Variants in NBEA observed in about 807,000 individuals in gnomAD.
The protein encoded by NBEA is neurobeachin.
In NBEA, 44 loss-of-function variants were observed where a neutral mutation model predicts 343.4. The observed-to-expected ratio is 0.13, with a 90% CI of 0.10 to 0.16. The LOEUF (loss-of-function observed/expected upper bound fraction) is 0.16, where lower values mean the gene tolerates loss of function less well. Ranked by LOEUF, NBEA falls within the 10% of genes least tolerant of loss-of-function variation. NBEA has a pLI of 1.00. For synonymous variants in NBEA, 1,175 were observed against 1,238.7 expected (o/e 0.95, Z 1.08); for missense variants, 2,555 against 3,631.3 (o/e 0.70, Z 7.62).
At chr13:35,391,393 G>A (rs1460299971) in intron 38 of NBEA, among the ~76,000 whole-genome samples, 2 of 151,864 alleles carry the variant, frequency 1.3e-5, no homozygotes, top group African/African-American at 4.8e-5. Flanking sequence ...GTTTCATGTT[G>A]TACACATAGA....
At chr13:34,966,879 G>C (rs1292650615) in intron 1 of NBEA, among the ~76,000 whole-genome samples, 1 of 151,028 alleles carries the variant, frequency 6.6e-6, no homozygotes, top group Non-Finnish European at 1.5e-5. Context: ...AATATTTGCT[G>C]TTCTAAGAGG....
intron 45 of NBEA, among the ~76,000 whole-genome samples, chr13:35,582,488 T>C (rs1313070147): frequency 6.6e-6 from 1 of 152,114 alleles, no homozygotes; most frequent in Non-Finnish European, 1.5e-5. Context: ...TGAGAGATAA[T>C]GAAATTTAAC....
At chr13:35,633,315 G>T (rs2083548075) in intron 49 of NBEA, among the ~76,000 whole-genome samples, 1 of 150,942 alleles carries the variant, frequency 6.6e-6, no homozygotes, top group African/African-American at 2.4e-5. Flanking sequence ...TGTTAGCCAG[G>T]ATGGTCTCAA....
chr13:35,466,281 G>A (rs922865978), intron 40 of NBEA, among the ~76,000 whole-genome samples: 1 of 152,242 alleles, frequency 6.6e-6, no homozygotes, highest in Non-Finnish European at 1.5e-5. Context: ...GCATCAAGAG[G>A]CCAATTCCTG....
chr13:35,652,915 C>T lies in NBEA; in HGVS notation c.8035+1039C>T, dbSNP rs1162061385. On this transcript the variant is annotated intron_variant, in intron 53 of 58. Transcript: ENST00000379939. Reference sequence around the variant, plus strand: ...TTCACCGTGTTAGCCAGGATGGTCTCGATCTCCTGACCTCGTGATCTGCCC... The same window carrying T: ...TTCACCGTGTTAGCCAGGATGGTCTTGATCTCCTGACCTCGTGATCTGCCC... Among the ~76,000 whole-genome samples the T allele has an allele frequency of 3.3e-5, 5 of 150,660 alleles. No individual in the cohort carries two copies. The East Asian group carries it at 8.1e-4, about 24-fold the overall frequency.
chr13:35,668,276 GT>G, intron 57 of NBEA, 91 bp from the exon 58 acceptor site: 1 of 1,295,180 alleles, frequency 7.7e-7, no homozygotes, highest in Non-Finnish European at 1.1e-6. Flanking sequence ...AGTAGTGACA[GT>G]TGGCTATTTA....
At chr13:35,158,159 C>T (rs1443183810) in intron 21 of NBEA, among the ~76,000 whole-genome samples, 1 of 152,012 alleles carries the variant, frequency 6.6e-6, no homozygotes, top group Non-Finnish European at 1.5e-5. Context: ...TTACCAACCC[C>T]CACTTTTGGG....
chr13:35,450,536 C>A (rs1307448807), intron 39 of NBEA, among the ~76,000 whole-genome samples: 1 of 152,066 alleles, frequency 6.6e-6, no homozygotes, highest in East Asian at 1.9e-4. Flanking sequence ...CAGTAATGGA[C>A]TGTTGGAAGT....
At chr13:35,500,452 GCAA>G (rs770330890) in intron 41 of NBEA, among the ~76,000 whole-genome samples, 2 of 152,212 alleles carry the variant, frequency 1.3e-5, no homozygotes, top group Non-Finnish European at 2.9e-5. Flanking sequence ...CAGCAGGCTA[GCAA>G]CAACATTTCC....
intron 38 of NBEA, among the ~76,000 whole-genome samples, chr13:35,404,370 T>C (rs1374198485): frequency 1.3e-5 from 2 of 150,320 alleles, no homozygotes; most frequent in African/African-American, 4.9e-5. Context: ...CCAACAATGA[T>C]AGACTGGATT....
At position 35,157,150 on chromosome 13, in the gene NBEA, G is replaced by A. The variant is rs1231002680; in HGVS notation, c.2724G>A (p.Glu908=). 1.2e-6 allele frequency: 2 copies of A among 1,608,050 alleles called. No individual in the cohort carries two copies. Among genetic ancestry groups the A allele is most frequent in the Admixed American group, 1.7e-5 (1 of 59,318 alleles). The change falls in exon 21 of 59, where the codon GAG becomes GAA. Residue 908 remains glutamate, a synonymous_variant. Coordinates refer to ENST00000379939, the MANE Select transcript of NBEA (RefSeq NM_001385012.1). The stretch of plus-strand genomic sequence containing the variant: ...GCTATATCAATCCTAAAAATTCTGA[G>A]GAACAGAAGATTACCGAAATGGTCT... ...SLGYINPKNS[E]EQKITEMVYN... is the part of the protein sequence containing the mutation.
intron 38 of NBEA, among the ~76,000 whole-genome samples, chr13:35,359,568 G>A (rs960886513): frequency 1.3e-5 from 2 of 152,004 alleles, no homozygotes; most frequent in Non-Finnish European, 2.9e-5. Flanking sequence ...GGATTCAGTG[G>A]TGGGGTCGGT....
chr13:35,145,599 C>T (rs991969859), intron 18 of NBEA, among the ~76,000 whole-genome samples: 4 of 152,110 alleles, frequency 2.6e-5, no homozygotes, highest in Non-Finnish European at 5.9e-5. Flanking sequence ...CCCTAAAGCC[C>T]GGAGGCAGTA....
intron 33 of NBEA, among the ~76,000 whole-genome samples, chr13:35,230,565 C>T (rs996089883): frequency 6.6e-6 from 1 of 152,018 alleles, no homozygotes; most frequent in African/African-American, 2.4e-5. Context: ...TCTTACCATT[C>T]TTACCATTTC....
intron 1 of NBEA, among the ~76,000 whole-genome samples, chr13:34,951,159 C>A (rs1169469863): frequency 1.3e-5 from 2 of 151,750 alleles, no homozygotes; most frequent in African/African-American, 2.4e-5. Flanking sequence ...GAAAAAAATA[C>A]CTGTGGACAG....
chr13:35,150,171 G>C (rs188220157), intron 18 of NBEA, among the ~76,000 whole-genome samples: 2 of 152,294 alleles, frequency 1.3e-5, no homozygotes, highest in Admixed American at 1.3e-4. Flanking sequence ...TTTTAAAATA[G>C]AATAATGTTT....
chr13:34,982,740 G>T (rs1420824897), intron 1 of NBEA, among the ~76,000 whole-genome samples: 1 of 152,114 alleles, frequency 6.6e-6, no homozygotes, highest in Non-Finnish European at 1.5e-5. Context: ...GTAAAGAATG[G>T]TGTTTTATGA....
At chr13:35,251,512 G>A (rs1306259295) in intron 34 of NBEA, 23 of 1,105,998 alleles carry the variant, frequency 2.1e-5, no homozygotes, top group Non-Finnish European at 2.4e-5. Context: ...GTGAGCAGCG[G>A]CCACCTCTGG....
At chr13:35,554,143 C>CAA (rs2079473665) in intron 43 of NBEA, among the ~76,000 whole-genome samples, 1 of 152,040 alleles carries the variant, frequency 6.6e-6, no homozygotes, top group East Asian at 1.9e-4. Context: ...TTTCAAATAG[C>CAA]TACTCAGTTG....
Sources: gnomAD v4.1 joint callset for allele counts (sites outside exome capture counted in the v4.1 genomes callset) on GRCh38, gnomAD v4.1.1 for gene constraint, MANE v1.5 for transcripts, NCBI Gene and HGNC (gene_info 2026-07-23, HGNC 2026-07-21) for gene names.